Variants in NDRG1 observed in about 807,000 individuals in gnomAD.
NDRG1 encodes N-myc downstream regulated 1, also known as protein NDRG1.
In NDRG1, 32 loss-of-function variants were observed where a neutral mutation model predicts 56.9. The observed-to-expected ratio is 0.56, with a 90% CI of 0.42 to 0.76. The LOEUF is 0.76. NDRG1 is among the 30% of genes least tolerant of loss of function. The pLI is 0.00. For missense variants in NDRG1, 507 were observed against 545.7 expected (o/e 0.93, Z 0.71); for synonymous variants, 211 against 204.1 (o/e 1.03, Z -0.29).
chr8:133,260,582 T>G (rs1452867098), intron 5 of NDRG1, among the ~76,000 whole-genome samples: 6 of 152,184 alleles, frequency 3.9e-5, no homozygotes, highest in African/African-American at 1.4e-4. Flanking sequence ...TTCCCCCAAG[T>G]CTTTCACACA....
intron 4 of NDRG1, 118 bp downstream of exon 4, chr8:133,264,429 A>C: frequency 1.1e-6 from 1 of 875,686 alleles, no homozygotes; most frequent in Non-Finnish European, 1.9e-6. Flanking sequence ...GAACAGCCCC[A>C]GGAAGTCCCA....
intron 15 of NDRG1, chr8:133,239,815 A>T (rs992513381): frequency 6.5e-6 from 1 of 152,854 alleles, no homozygotes; most frequent in Non-Finnish European, 1.5e-5. Flanking sequence ...GTGTCCCGGA[A>T]GATTCACACC....
chr8:133,254,469 G>T (rs1856257027), intron 9 of NDRG1, 70 bp downstream of exon 9: 1 of 1,547,300 alleles, frequency 6.5e-7, no homozygotes, highest in Non-Finnish European at 8.9e-7. Flanking sequence ...CCCACATGGG[G>T]CCCTGTGCTG....
intron 9 of NDRG1, among the ~76,000 whole-genome samples, chr8:133,251,154 T>C (rs1366878533): frequency 6.6e-6 from 1 of 152,196 alleles, no homozygotes; most frequent in African/African-American, 2.4e-5. Context: ...AACCAGAGCC[T>C]TGGGGAAGTC....
chr8:133,244,818 G>A (rs1855579030), intron 13 of NDRG1, among the ~76,000 whole-genome samples: 1 of 152,190 alleles, frequency 6.6e-6, no homozygotes, highest in South Asian at 2.1e-4. Context: ...CCCTCAAAAG[G>A]AAGTGGTTGA....
At chr8:133,286,453 CT>C (rs1215049305) in intron 1 of NDRG1, among the ~76,000 whole-genome samples, 1 of 152,204 alleles carries the variant, frequency 6.6e-6, no homozygotes, top group Non-Finnish European at 1.5e-5. Flanking sequence ...AAATGTCCAC[CT>C]TCCCCGTTTC....
At chr8:133,277,057 G>A (rs1563636331) in intron 3 of NDRG1, among the ~76,000 whole-genome samples, 1 of 152,364 alleles carries the variant, frequency 6.6e-6, no homozygotes, top group East Asian at 1.9e-4. Flanking sequence ...AGGACACGAT[G>A]CTAACTTATA....
intron 3 of NDRG1, among the ~76,000 whole-genome samples, chr8:133,270,782 C>T (rs1028246489): frequency 1.3e-5 from 2 of 152,168 alleles, no homozygotes; most frequent in African/African-American, 2.4e-5. Context: ...TTCCTTGGCA[C>T]AGCACTGTTT....
intron 7 of NDRG1, 140 bp downstream of exon 7, chr8:133,258,226 C>T: frequency 4.8e-6 from 1 of 207,230 alleles, no homozygotes; most frequent in South Asian, 1.2e-4. Flanking sequence ...ACCCATGCAC[C>T]ACACACACAC....
intron 4 of NDRG1, among the ~76,000 whole-genome samples, chr8:133,263,199 T>C (rs1333295804): frequency 6.6e-6 from 1 of 152,030 alleles, no homozygotes; most frequent in Non-Finnish European, 1.5e-5. Context: ...AAAATGGATA[T>C]AAGGGAAACA....
chr8:133,284,716 T>C (rs964272649), intron 1 of NDRG1: 5 of 461,372 alleles, frequency 1.1e-5, no homozygotes, highest in African/African-American at 4.0e-5. Flanking sequence ...GCAGCCCCCG[T>C]GTGACAATGA....
In NDRG1 at chr8:133,254,924, G is replaced by A. The variant is rs1157644521; in HGVS notation, c.538-329C>T. 4 of 386,194 alleles carry A rather than the reference G, an allele frequency of 1.0e-5. No individual in the cohort carries two copies. In the East Asian group the frequency reaches 1.6e-4, roughly 16 times the overall value. The allele number at this position is 386,194 out of a possible 1,614,324, so 23.9% of individuals were successfully genotyped here. A position where few individuals can be genotyped will look rare whatever the true frequency, so the allele number is the denominator to read the frequency against. ...CATTCACCAAGTCCTCAGCAAAGAGGGCCATCCATTCACCTCTTCTAAAAA... is the reference window on the plus strand; with the variant it reads ...CATTCACCAAGTCCTCAGCAAAGAGAGCCATCCATTCACCTCTTCTAAAAA... On this transcript the variant is annotated intron_variant, in intron 8 of 15. Transcript: ENST00000323851.
chr8:133,250,594 C>T (rs1855962615), intron 9 of NDRG1, 51 bp from the exon 10 acceptor site: 1 of 1,392,394 alleles, frequency 7.2e-7, no homozygotes, highest in African/African-American at 1.4e-5. Flanking sequence ...TGGCCCTGAG[C>T]TGGTCACTAC....
intron 13 of NDRG1, among the ~76,000 whole-genome samples, chr8:133,245,164 C>T (rs895338170): frequency 3.3e-5 from 5 of 152,180 alleles, no homozygotes; most frequent in Non-Finnish European, 7.3e-5. Flanking sequence ...GAGCAGGATG[C>T]CCGAATTTTT....
At chr8:133,294,676 G>A (rs113264525) in intron 1 of NDRG1, among the ~76,000 whole-genome samples, 22 of 122,532 alleles carry the variant, frequency 1.8e-4, no homozygotes, top group African/African-American at 3.5e-4. Flanking sequence ...TGTCATGGGG[G>A]GGGGGCAGCC....
intron 3 of NDRG1, among the ~76,000 whole-genome samples, chr8:133,275,371 T>C (rs1481702899): frequency 1.3e-5 from 2 of 152,252 alleles, no homozygotes; most frequent in South Asian, 2.1e-4. Context: ...TGTGACTTAC[T>C]GGGAACACTG....
chr8:133,264,894 C>A, intron 3 of NDRG1: 2 of 557,928 alleles, frequency 3.6e-6, no homozygotes, highest in Admixed American at 3.0e-5. Flanking sequence ...TTAAATGCAC[C>A]AAATGCTGGG....
intron 1 of NDRG1, among the ~76,000 whole-genome samples, chr8:133,296,176 C>A (rs1210343777): frequency 6.6e-6 from 1 of 152,082 alleles, no homozygotes; most frequent in South Asian, 2.1e-4. Flanking sequence ...CGCGGCGGAT[C>A]CCCCAGGAAC....
At chr8:133,270,572 T>C (rs1168259911) in intron 3 of NDRG1, among the ~76,000 whole-genome samples, 1 of 152,208 alleles carries the variant, frequency 6.6e-6, no homozygotes, top group Admixed American at 6.5e-5. Flanking sequence ...CTTTTGATTC[T>C]TGTCCTTTCA....
Sources: gnomAD v4.1 joint callset for allele counts (sites outside exome capture counted in the v4.1 genomes callset) on GRCh38, gnomAD v4.1.1 for gene constraint, MANE v1.5 for transcripts, NCBI Gene and HGNC (gene_info 2026-07-23, HGNC 2026-07-21) for gene names.